Variants in KALRN observed in about 807,000 individuals in gnomAD.
KALRN encodes the protein kalirin.
In KALRN, 70 loss-of-function variants were observed where a neutral mutation model predicts 353.7. The observed-to-expected ratio is 0.20, with a 90% CI of 0.16 to 0.24. The LOEUF is 0.24. Among genes scored for constraint, KALRN ranks in the 10% least tolerant of loss-of-function variants. The pLI is 1.00. For synonymous variants in KALRN, 1,391 were observed against 1,434.8 expected (o/e 0.97, Z 0.69); for missense variants, 2,791 against 3,756.7 (o/e 0.74, Z 6.72).
intron 1 of KALRN, among the ~76,000 whole-genome samples, chr3:124,141,122 A>G (rs2066566045): frequency 6.6e-6 from 1 of 152,130 alleles, no homozygotes; most frequent in Non-Finnish European, 1.5e-5. Context: ...TACCCAGGGA[A>G]CCGGTCCTTC....
chr3:124,669,980 CTTTTTT>C (rs869272576), intron 47 of KALRN, among the ~76,000 whole-genome samples: 1 of 87,036 alleles, frequency 1.1e-5, no homozygotes, highest in African/African-American at 4.1e-5. Flanking sequence ...TTTTTTTTTT[CTTTTTT>C]TGAGACAGAG....
rs1580392167 is a variant in KALRN at position 124,277,901 on chromosome 3, G to A, written c.969+8646G>A. Among the ~76,000 whole-genome samples, 3 of 152,152 alleles carry A rather than the reference G, an allele frequency of 2.0e-5. No individual in the cohort carries two copies. In the South Asian group the frequency reaches 6.2e-4, roughly 32 times the overall value. On this transcript the variant is annotated intron_variant, in intron 5 of 59. Coordinates refer to ENST00000682506, the MANE Select transcript of KALRN (RefSeq NM_001388419.1). Reference sequence around the variant, plus strand: ...TTGGAACTGAGAACTAAGACACTGTGTTAACAGTACTTTCCAGAATCTGGG... The same window carrying A: ...TTGGAACTGAGAACTAAGACACTGTATTAACAGTACTTTCCAGAATCTGGG...
chr3:124,539,521 T>C (rs915960918), intron 33 of KALRN, among the ~76,000 whole-genome samples: 2 of 152,206 alleles, frequency 1.3e-5, no homozygotes, highest in African/African-American at 4.8e-5. Context: ...CCTGGCAGGC[T>C]GCAAGCTCTA....
rs1553707031 is a variant in KALRN, at chr3:124,642,806, G to GTTTTTTTTTTGTTGTTGTTGTTTTTTT, written c.5664+5513_5664+5514insGTTGTTGTTGTTTTTTTTTTTTTTTTT. On this transcript the variant is annotated intron_variant, in intron 37 of 59. Coordinates refer to ENST00000682506, the MANE Select transcript of KALRN (RefSeq NM_001388419.1). ...TCTGTGGAAGAGATTCCCAAGCCTC[G>GTTTTTTTTTTGTTGTTGTTGTTTTTTT]TTTTTTTTTTTTTTTTTTTTGAGAC... Among the ~76,000 whole-genome samples, 25 of 96,820 alleles carry GTTTTTTTTTTGTTGTTGTTGTTTTTTT rather than the reference G, an allele frequency of 2.6e-4. 1 individual carries two copies. The highest frequency in any genetic ancestry group is 1.1e-3 in the African/African-American group (24 of 22,310). 63.5% of individuals were successfully genotyped at this position (96,820 alleles called of 152,430 possible). A position where few individuals can be genotyped will look rare whatever the true frequency, so the allele number is the denominator to read the frequency against.
chr3:124,214,238 A>G (rs1216889173), intron 1 of KALRN, among the ~76,000 whole-genome samples: 1 of 152,108 alleles, frequency 6.6e-6, no homozygotes, highest in Non-Finnish European at 1.5e-5. Context: ...TCTTTTTCAC[A>G]CTTAACAATA....
chr3:124,158,117 G>A (rs1920620), intron 1 of KALRN, among the ~76,000 whole-genome samples: 141,625 of 152,208 alleles, frequency 0.93, 66,720 homozygotes, highest in East Asian at 1. Context: ...TATTCTACCC[G>A]TCACACTCAG....
Position 124,366,140 on chromosome 3 carries a change from G to C in KALRN, c.1771-18705G>C, listed in dbSNP as rs78745605. ...AAGTCCAAACTGTGAAAGGTGTAAT[G>C]TCTGATGGGGCTACAGAGACATTTT... On this transcript the variant is annotated intron_variant, in intron 10 of 59. Coordinates refer to ENST00000682506, the MANE Select transcript of KALRN (RefSeq NM_001388419.1). Among the ~76,000 whole-genome samples the C allele has an allele frequency of 0.012, 1,749 of 152,060 alleles. 67 individuals carry two copies. The East Asian group carries it at 0.13, about 11-fold the overall frequency.
At chr3:124,414,460 A>T (rs1360684036) in intron 14 of KALRN, among the ~76,000 whole-genome samples, 1 of 152,236 alleles carries the variant, frequency 6.6e-6, no homozygotes, top group Admixed American at 6.5e-5. Flanking sequence ...GGGTGAGTAT[A>T]AACAGTGATG....
intron 10 of KALRN, among the ~76,000 whole-genome samples, chr3:124,348,153 T>C (rs1479909155): frequency 6.6e-6 from 1 of 151,944 alleles, no homozygotes; most frequent in Non-Finnish European, 1.5e-5. Flanking sequence ...TAATGAGGAG[T>C]AAGGCAGGGA....
At chr3:124,038,163 T>C (rs547799860) in intron 1 of KALRN, among the ~76,000 whole-genome samples, 2 of 152,242 alleles carry the variant, frequency 1.3e-5, no homozygotes, top group African/African-American at 4.8e-5. Context: ...AGAGGAGACT[T>C]GATCCTAGAG....
chr3:124,423,996 AGT>A (rs2092903977), intron 15 of KALRN, among the ~76,000 whole-genome samples: 1 of 152,224 alleles, frequency 6.6e-6, no homozygotes, highest in Non-Finnish European at 1.5e-5. Context: ...CATTTTGTTG[AGT>A]GCTATGGGCC....
Position 124,614,496 on chromosome 3 carries a change from G to A in KALRN, c.5183-17924G>A, listed in dbSNP as rs1423142150. Among the ~76,000 whole-genome samples the A allele has an allele frequency of 4.6e-5, 7 of 151,488 alleles. No individual in the cohort carries two copies. The East Asian group carries it at 1.2e-3, about 25-fold the overall frequency. ...ACTGGTCTCAAACTCCTAGACTTAA[G>A]GGATCTGCCCACCTCAGCCTCCTGA... is the stretch of plus-strand genomic sequence containing the variant. On this transcript the variant is annotated intron_variant, in intron 34 of 59. Coordinates refer to ENST00000682506, the MANE Select transcript of KALRN (RefSeq NM_001388419.1).
At chr3:124,245,621 TC>T (rs1472225458) in intron 3 of KALRN, among the ~76,000 whole-genome samples, 3 of 152,044 alleles carry the variant, frequency 2.0e-5, no homozygotes, top group Non-Finnish European at 2.9e-5. Flanking sequence ...TATGAGTGTT[TC>T]CCTTTTTCTG....
intron 13 of KALRN, among the ~76,000 whole-genome samples, chr3:124,407,316 T>TTTTA (rs1282215247): frequency 6.6e-6 from 1 of 150,934 alleles, no homozygotes; most frequent in African/African-American, 2.4e-5. Context: ...ATGTTTTCTT[T>TTTTA]TATATATATA....
At chr3:124,595,721 TTTTTG>T (rs2076206589) in intron 34 of KALRN, among the ~76,000 whole-genome samples, 1 of 152,194 alleles carries the variant, frequency 6.6e-6, no homozygotes, top group Non-Finnish European at 1.5e-5. Flanking sequence ...GAATGTACTA[TTTTTG>T]TTTTAAGAGG....
intron 10 of KALRN, among the ~76,000 whole-genome samples, chr3:124,347,536 G>A (rs898974245): frequency 1.3e-5 from 2 of 151,978 alleles, no homozygotes; most frequent in Admixed American, 6.6e-5. Flanking sequence ...CTAGGTGAGT[G>A]GTAAAATAGA....
At chr3:124,424,449 T>C (rs1022382280) in intron 15 of KALRN, among the ~76,000 whole-genome samples, 1 of 152,154 alleles carries the variant, frequency 6.6e-6, no homozygotes, top group Non-Finnish European at 1.5e-5. Context: ...TGCCTCTGTC[T>C]TAGTTATTAT....
intron 1 of KALRN, among the ~76,000 whole-genome samples, chr3:124,211,176 T>G (rs1201102898): frequency 1.3e-5 from 2 of 152,240 alleles, no homozygotes; most frequent in Non-Finnish European, 2.9e-5. Flanking sequence ...TAGCACTTAC[T>G]GGACATCTAC....
intron 3 of KALRN, among the ~76,000 whole-genome samples, chr3:124,260,970 C>T (rs539407507): frequency 1.3e-5 from 2 of 152,230 alleles, no homozygotes; most frequent in African/African-American, 4.8e-5. Context: ...CAACTCCTGT[C>T]CCCAAACAAA....
Sources: gnomAD v4.1 joint callset for allele counts (sites outside exome capture counted in the v4.1 genomes callset) on GRCh38, gnomAD v4.1.1 for gene constraint, MANE v1.5 for transcripts, NCBI Gene and HGNC (gene_info 2026-07-23, HGNC 2026-07-21) for gene names.